The following CDH23 variants were observed in gnomAD, a reference collection of about 807,000 sequenced individuals.
CDH23 encodes the protein cadherin related 23.
In CDH23, 189 loss-of-function variants were observed where a neutral mutation model predicts 317.1. The ratio of observed to expected loss-of-function variants is 0.60; its 90% CI spans 0.53 to 0.67. The LOEUF (loss-of-function observed/expected upper bound fraction) is 0.67. CDH23 is among the 30% of genes least tolerant of loss of function. The probability of loss-of-function intolerance (pLI) is 0.00; values close to 1 mark genes in which losing one functional copy is unlikely to be tolerated. For missense variants in CDH23, 4,401 were observed against 4,592.4 expected (o/e 0.96, Z 1.20); for synonymous variants, 1,839 against 1,876.8 (o/e 0.98, Z 0.52).
intron 18 of CDH23, among the ~76,000 whole-genome samples, chr10:71,683,670 T>C (rs1181397240): frequency 1.3e-5 from 2 of 152,150 alleles, no homozygotes; most frequent in East Asian, 3.8e-4. Flanking sequence ...GATGAGGCTA[T>C]ACAGAACCAG....
intron 11 of CDH23, among the ~76,000 whole-genome samples, chr10:71,625,062 G>T (rs539803564): frequency 6.6e-6 from 1 of 152,026 alleles, no homozygotes; most frequent in Admixed American, 6.6e-5. Flanking sequence ...TGGGGAAAAC[G>T]GCTCTGAATA....
chr10:71,773,760 T>G (rs968556961), intron 38 of CDH23, among the ~76,000 whole-genome samples: 2 of 152,060 alleles, frequency 1.3e-5, no homozygotes, highest in African/African-American at 4.8e-5. Context: ...TGGAGAGAAA[T>G]TATTATTGCT....
At chr10:71,687,621 C>G in intron 18 of CDH23, 26 bp from the exon 19 acceptor site, 1 of 1,612,636 alleles carries the variant, frequency 6.2e-7, no homozygotes, top group Non-Finnish European at 8.5e-7. Context: ...CTGCAGCCTC[C>G]TGCAACCTGT....
chr10:71,812,015 G>T lies in CDH23; in HGVS notation c.9380G>T (p.Gly3127Val), dbSNP rs765847862. Residue 3127 changes from glycine to valine, a missense_variant and splice_region_variant, in exon 66 of 70, where the codon GGA becomes GTA. Physicochemically the swap from Gly to Val is moderately radical, Grantham distance 109. Around this residue, in one of 3 missense-constraint regions of CDH23, gnomAD observed 1,144 missense variants for 1,138.2 expected, o/e 1.01. Coordinates refer to ENST00000224721, the MANE Select transcript of CDH23 (RefSeq NM_022124.6). The part of the protein sequence containing the change: ...MPNTNKYSFD[G>V]ANPVWLDPFC... ...AACACCAACAAGTACTCCTTTGATG[G>T]GTGAGTGGGGTACTGGCCCTGCCCG... 2 of 1,613,976 alleles carry T rather than the reference G, an allele frequency of 1.2e-6. No individual in the cohort carries two copies. Among genetic ancestry groups the T allele is most frequent in the Non-Finnish European group, 1.7e-6 (2 of 1,179,870 alleles).
At chr10:71,746,638 C>T (rs1452695151) in intron 38 of CDH23, among the ~76,000 whole-genome samples, 3 of 152,150 alleles carry the variant, frequency 2.0e-5, no homozygotes, top group Non-Finnish European at 2.9e-5. Context: ...GGAGGAAGGG[C>T]GGAAGGTAAC....
chr10:71,566,682 C>T, intron 6 of CDH23, 60 bp from the exon 7 acceptor site: 1 of 1,469,872 alleles, frequency 6.8e-7, no homozygotes, highest in Non-Finnish European at 9.1e-7. Context: ...GGACTCAGCC[C>T]TGATGGCGCA....
intron 61 of CDH23, 25 bp from the exon 62 acceptor site, chr10:71,810,446 AC>A: frequency 6.2e-7 from 1 of 1,610,996 alleles, no homozygotes; most frequent in Non-Finnish European, 8.5e-7. Context: ...TGGTGGCCAC[AC>A]CCTACAATAC....
intron 28 of CDH23, among the ~76,000 whole-genome samples, chr10:71,722,882 G>A (rs1866621871): frequency 6.6e-6 from 1 of 152,190 alleles, no homozygotes. Flanking sequence ...GTGGTGGGAA[G>A]TGGGGCCCAG....
chr10:71,812,513 G>C lies in CDH23; in HGVS notation c.9414G>C (p.Arg3138=). The C allele has an allele frequency of 6.2e-7, 1 of 1,613,918 alleles. No homozygotes were observed. The highest frequency in any genetic ancestry group is 2.2e-5 in the East Asian group (1 of 44,882). The change falls in exon 67 of 70, where the codon CGG becomes CGC. Residue 3138 remains arginine (R), a synonymous_variant. Coordinates refer to ENST00000224721, the MANE Select transcript of CDH23 (RefSeq NM_022124.6). ...CTGTGTGGCTGGATCCCTTCTGTCG[G>C]AACCTGGAGCTGGCCGCCCAGGCGG... The part of the protein sequence containing the change: ...ANPVWLDPFC[R]NLELAAQAEH...
At chr10:71,577,824 TG>T in intron 8 of CDH23, 89 bp from the exon 9 acceptor site, 1 of 1,137,294 alleles carries the variant, frequency 8.8e-7, no homozygotes, top group Non-Finnish European at 1.3e-6. Context: ...AGGATCAGCC[TG>T]GGGAGGGAAG....
intron 43 of CDH23, 45 bp downstream of exon 43, chr10:71,785,145 G>A (rs1564792346): frequency 1.3e-6 from 2 of 1,525,866 alleles, no homozygotes; most frequent in East Asian, 2.3e-5. Context: ...GGTTTCCAGT[G>A]AAAAAGAGGA....
intron 38 of CDH23, chr10:71,773,640 A>G: frequency 2.1e-6 from 1 of 468,736 alleles, no homozygotes; most frequent in Middle Eastern, 5.6e-4. Flanking sequence ...GCCGCGTGGG[A>G]GGGGCTTCCC....
intron 3 of CDH23, among the ~76,000 whole-genome samples, chr10:71,480,531 C>T (rs918197162): frequency 6.6e-6 from 1 of 152,202 alleles, no homozygotes; most frequent in Non-Finnish European, 1.5e-5. Flanking sequence ...TGCATTGGAG[C>T]TGAGACTTGA....
intron 6 of CDH23, among the ~76,000 whole-genome samples, chr10:71,526,093 T>C (rs1855024735): frequency 1.3e-5 from 2 of 152,200 alleles, no homozygotes; most frequent in Non-Finnish European, 2.9e-5. Context: ...GCCCTCTGCA[T>C]CGCTGAGGGG....
At chr10:71,505,748 G>A (rs1467678876) in intron 3 of CDH23, among the ~76,000 whole-genome samples, 1 of 152,126 alleles carries the variant, frequency 6.6e-6, no homozygotes, top group East Asian at 1.9e-4. Flanking sequence ...CCTCCTTACC[G>A]CTGAAAAAAC....
intron 1 of CDH23, among the ~76,000 whole-genome samples, chr10:71,411,482 T>G (rs1283531085): frequency 6.6e-6 from 1 of 152,148 alleles, no homozygotes; most frequent in East Asian, 1.9e-4. Context: ...CATTGTTAAA[T>G]TTACTTATTT....
At chr10:71,516,607 T>C (rs1404086001) in intron 6 of CDH23, among the ~76,000 whole-genome samples, 1 of 152,234 alleles carries the variant, frequency 6.6e-6, no homozygotes, top group East Asian at 1.9e-4. Flanking sequence ...TGGTTTCCTG[T>C]GTGCCCAACA....
At chr10:71,616,807 A>T (rs1482801896) in intron 10 of CDH23, among the ~76,000 whole-genome samples, 1 of 152,228 alleles carries the variant, frequency 6.6e-6, no homozygotes, top group East Asian at 1.9e-4. Flanking sequence ...TTAAGTCTTG[A>T]TTAACCACCA....
At chr10:71,547,069 A>C (rs1856321950) in intron 6 of CDH23, among the ~76,000 whole-genome samples, 1 of 152,220 alleles carries the variant, frequency 6.6e-6, no homozygotes, top group African/African-American at 2.4e-5. Context: ...CTGGGGACAC[A>C]GTGGAGAGCA....
Sources: gnomAD v4.1 joint callset for allele counts (sites outside exome capture counted in the v4.1 genomes callset) on GRCh38, gnomAD v4.1.1 for gene constraint, gnomAD v4.1.1 regional missense constraint, MANE v1.5 for transcripts, NCBI Gene and HGNC (gene_info 2026-07-23, HGNC 2026-07-21) for gene names.